SBF2: variants seen among roughly 807,000 people sequenced by gnomAD.
The protein encoded by SBF2 is myotubularin-related protein 13.
In SBF2, 112 loss-of-function variants were observed where a neutral mutation model predicts 225.2. The observed-to-expected ratio is 0.50, with a 90% CI of 0.43 to 0.58. The LOEUF is 0.58. SBF2 is among the 20% of genes least tolerant of loss of function. The pLI, the probability that SBF2 is intolerant of heterozygous loss-of-function variation, is 0.00. For missense variants in SBF2, 1,996 were observed against 2,206.2 expected (o/e 0.90, Z 1.91); for synonymous variants, 763 against 773.3 (o/e 0.99, Z 0.22).
At chr11:9,785,435 A>C in intron 36 of SBF2, 117 bp from the exon 37 acceptor site, 1 of 828,610 alleles carries the variant, frequency 1.2e-6, no homozygotes, top group Non-Finnish European at 2.1e-6. Context: ...AGCAACAATA[A>C]TGTACAAAGG....
chr11:10,164,293 T>C (rs78569348), intron 2 of SBF2, among the ~76,000 whole-genome samples: 1 of 152,122 alleles, frequency 6.6e-6, no homozygotes, highest in Non-Finnish European at 1.5e-5. Context: ...ATAATTATAA[T>C]AAAATATTTT....
At chr11:10,183,759 T>C (rs949001225) in intron 2 of SBF2, among the ~76,000 whole-genome samples, 1 of 152,112 alleles carries the variant, frequency 6.6e-6, no homozygotes, top group African/African-American at 2.4e-5. Flanking sequence ...CATCCATATG[T>C]AGAAGCTAAA....
intron 2 of SBF2, among the ~76,000 whole-genome samples, chr11:10,145,744 C>T (rs1277533043): frequency 6.6e-6 from 1 of 152,112 alleles, no homozygotes; most frequent in Non-Finnish European, 1.5e-5. Context: ...ATACTAATGT[C>T]ACAAATACAT....
chr11:9,825,314 G>A (rs1855001848), intron 28 of SBF2, among the ~76,000 whole-genome samples: 1 of 152,216 alleles, frequency 6.6e-6, no homozygotes, highest in Admixed American at 6.5e-5. Context: ...CAAACCTCCA[G>A]AAGCTAGGAG....
Position 9,807,562 on chromosome 11 carries a change from G to A in SBF2, c.4443+438C>T, listed in dbSNP as rs116311826. On this transcript the variant is annotated intron_variant, in intron 32 of 39. Coordinates refer to ENST00000256190, the MANE Select transcript of SBF2 (RefSeq NM_030962.4). Reference sequence around the variant, plus strand: ...AGAAGTGACCAGTGTTCTCAAGCCTGTATGCCTGTCTGGCTGGGCCCTGAT... The same window carrying A: ...AGAAGTGACCAGTGTTCTCAAGCCTATATGCCTGTCTGGCTGGGCCCTGAT... Among the ~76,000 whole-genome samples the A allele has an allele frequency of 5.2e-3, 797 of 152,304 alleles. 5 individuals are homozygous for A. Among genetic ancestry groups the A allele is most frequent in the African/African-American group, 0.018 (757 of 41,578 alleles).
At chr11:9,798,232 G>C (rs1853254386) in intron 32 of SBF2, among the ~76,000 whole-genome samples, 1 of 152,124 alleles carries the variant, frequency 6.6e-6, no homozygotes, top group Non-Finnish European at 1.5e-5. Flanking sequence ...AGTAGGCCTG[G>C]TTCTCTGGTC....
At chr11:10,230,219 G>A (rs1385081187) in intron 1 of SBF2, among the ~76,000 whole-genome samples, 1 of 152,092 alleles carries the variant, frequency 6.6e-6, no homozygotes, top group Non-Finnish European at 1.5e-5. Flanking sequence ...CATGTGAGAT[G>A]GGTTTCCTGA....
intron 16 of SBF2, among the ~76,000 whole-genome samples, chr11:9,929,890 T>C (rs945904992): frequency 2.0e-5 from 3 of 152,182 alleles, no homozygotes; most frequent in African/African-American, 7.2e-5. Context: ...GGCAAAAATG[T>C]GTTGATTGTA....
At chr11:10,208,426 A>G (rs1257142235) in intron 1 of SBF2, among the ~76,000 whole-genome samples, 3 of 152,112 alleles carry the variant, frequency 2.0e-5, no homozygotes, top group Non-Finnish European at 4.4e-5. Context: ...ATTTTGTATG[A>G]TGTAGAATGA....
At chr11:10,191,772 T>C (rs1216334492) in intron 2 of SBF2, among the ~76,000 whole-genome samples, 1 of 152,168 alleles carries the variant, frequency 6.6e-6, no homozygotes, top group Non-Finnish European at 1.5e-5. Context: ...AAAGAGAAAA[T>C]ATCTATTTAC....
At chr11:9,887,863 C>T (rs1298450623) in intron 17 of SBF2, among the ~76,000 whole-genome samples, 9 of 151,454 alleles carry the variant, frequency 5.9e-5, no homozygotes, top group Admixed American at 1.3e-4. Context: ...GTAGGAAATG[C>T]GATGTATCCA....
chr11:10,088,693 G>A (rs1239329678), intron 2 of SBF2, among the ~76,000 whole-genome samples: 2 of 152,172 alleles, frequency 1.3e-5, no homozygotes, highest in African/African-American at 4.8e-5. Flanking sequence ...CCCATCCCCT[G>A]CAGAAAGGTA....
At chr11:9,984,589 A>T (rs1345247655) in intron 13 of SBF2, among the ~76,000 whole-genome samples, 1 of 152,214 alleles carries the variant, frequency 6.6e-6, no homozygotes, top group African/African-American at 2.4e-5. Context: ...AACACCTGGA[A>T]ATTCATTGCA....
At chr11:10,219,840 A>G (rs1329841666) in intron 1 of SBF2, among the ~76,000 whole-genome samples, 1 of 152,184 alleles carries the variant, frequency 6.6e-6, no homozygotes, top group African/African-American at 2.4e-5. Flanking sequence ...TTCATTGTCC[A>G]TATCACTATC....
At chr11:9,962,244 T>C (rs537106599) in intron 15 of SBF2, 138 bp from the exon 16 acceptor site, 11 of 647,428 alleles carry the variant, frequency 1.7e-5, no homozygotes, top group Admixed American at 5.5e-5. Context: ...TCCTAGGGAA[T>C]AGGTGATTTA....
chr11:10,301,427 T>C (rs1389951050), intron 1 of SBF2, among the ~76,000 whole-genome samples: 3 of 152,232 alleles, frequency 2.0e-5, no homozygotes, highest in Non-Finnish European at 2.9e-5. Context: ...GCTGATTGTG[T>C]TCTTTCTCTA....
chr11:10,016,100 C>T (rs1246468508), intron 6 of SBF2, among the ~76,000 whole-genome samples: 2 of 150,992 alleles, frequency 1.3e-5, no homozygotes, highest in African/African-American at 4.8e-5. Context: ...TATCTGAACA[C>T]TCTGCCCTAT....
chr11:9,984,065 C>G (rs1362257328), intron 13 of SBF2, among the ~76,000 whole-genome samples: 1 of 152,128 alleles, frequency 6.6e-6, no homozygotes, highest in African/African-American at 2.4e-5. Flanking sequence ...AGTAATGGAT[C>G]CAAACCAAGA....
chr11:10,277,343 A>G (rs942077685), intron 1 of SBF2, among the ~76,000 whole-genome samples: 6 of 152,220 alleles, frequency 3.9e-5, no homozygotes, highest in Non-Finnish European at 7.3e-5. Flanking sequence ...TGAAGTATTT[A>G]GAGTGGATGC....
Sources: allele counts gnomAD v4.1 joint callset (sites outside exome capture counted in the v4.1 genomes callset), GRCh38; gene constraint gnomAD v4.1.1; transcripts MANE v1.5; gene names NCBI Gene and HGNC (gene_info 2026-07-23, HGNC 2026-07-21).